The following MAP2K5 variants were observed in gnomAD, a reference collection of about 807,000 sequenced individuals.
MAP2K5 encodes the protein mitogen-activated protein kinase kinase 5, also known as dual specificity mitogen-activated protein kinase kinase 5.
In MAP2K5, 49 loss-of-function variants were observed where a neutral mutation model predicts 83.1. The observed-to-expected ratio is 0.59, with a 90% CI of 0.47 to 0.75. The LOEUF is 0.75. Among genes scored for constraint, MAP2K5 ranks in the 30% least tolerant of loss-of-function variants. MAP2K5 has a pLI of 0.00. For missense variants in MAP2K5, 457 were observed against 557.5 expected (o/e 0.82, Z 1.82); for synonymous variants, 202 against 191.8 (o/e 1.05, Z -0.44).
In MAP2K5 at chr15:67,747,194, G is replaced by A. The variant is rs943658368; in HGVS notation, c.1075-1037G>A. On this transcript the variant is annotated intron_variant, in intron 17 of 21. Transcript: ENST00000178640. This position sits in a 1 kb window ranked among gnomAD's most constrained non-coding sequence, Gnocchi z 4.1. ...AGATGATCATCCCTGCCAAACTCAG[G>A]GTGGTTGTACAGATCAAATGAGTTT... Among the ~76,000 whole-genome samples the A allele has an allele frequency of 1.3e-5, 2 of 152,090 alleles. No individual in the cohort carries two copies. The highest frequency in any genetic ancestry group is 2.9e-5 in the Non-Finnish European group (2 of 68,014).
chr15:67,614,164 G>C (rs1008099251), intron 8 of MAP2K5, among the ~76,000 whole-genome samples: 3 of 152,136 alleles, frequency 2.0e-5, no homozygotes, highest in African/African-American at 7.2e-5. Flanking sequence ...AGTACTTACA[G>C]ATAGGAATCG....
chr15:67,765,075 T>C (rs891406647), intron 19 of MAP2K5, among the ~76,000 whole-genome samples: 13 of 152,216 alleles, frequency 8.5e-5, no homozygotes, highest in African/African-American at 3.1e-4. Context: ...TATAGTACAG[T>C]ATTGGCTGGG....
At chr15:67,727,024 C>T (rs1477388978) in intron 16 of MAP2K5, among the ~76,000 whole-genome samples, 1 of 152,092 alleles carries the variant, frequency 6.6e-6, no homozygotes, top group Non-Finnish European at 1.5e-5. Flanking sequence ...CATGGTGAAA[C>T]CCCATCTCTA....
chr15:67,743,713 C>T lies in MAP2K5; in HGVS notation c.1075-4518C>T, dbSNP rs575446610. Among the ~76,000 whole-genome samples the T allele has an allele frequency of 2.0e-5, 3 of 152,174 alleles. No homozygotes were observed. In the South Asian group the frequency reaches 6.2e-4, roughly 32 times the overall value. ...TATAATGGATTGGAGGTTGTATGTC[C>T]CTAAGTTTTAATATCCAGCACAGTG... On this transcript the variant is annotated intron_variant, in intron 17 of 21. Transcript: ENST00000178640.
At chr15:67,674,635 G>T (rs928029349) in intron 13 of MAP2K5, among the ~76,000 whole-genome samples, 9 of 152,082 alleles carry the variant, frequency 5.9e-5, no homozygotes, top group African/African-American at 2.2e-4. Flanking sequence ...TGATCACAGG[G>T]TATTTCTGTA....
chr15:67,563,262 G>T lies in MAP2K5; in HGVS notation c.185-21G>T, dbSNP rs200944611. The T allele has an allele frequency of 1.2e-6, 2 of 1,605,010 alleles. No homozygotes were observed. The highest frequency in any genetic ancestry group is 1.7e-6 in the Non-Finnish European group (2 of 1,177,380). Reference sequence around the variant, plus strand: ...TAAACAAATGCACACCTTATCATTTGCATTATGTGCTTTTAAACAGATGAA... The same window carrying T: ...TAAACAAATGCACACCTTATCATTTTCATTATGTGCTTTTAAACAGATGAA... On this transcript the variant is annotated intron_variant, in intron 2 of 21. Transcript: ENST00000178640. This position sits in a 1 kb window ranked among gnomAD's most constrained non-coding sequence, Gnocchi z 4.5.
rs1409633525 is a variant in MAP2K5, at chr15:67,777,443, G to A, written c.1242+4691G>A. Among the ~76,000 whole-genome samples the A allele has an allele frequency of 6.6e-6, 1 of 152,154 alleles. No homozygotes were observed. Among genetic ancestry groups the A allele is most frequent in the Non-Finnish European group, 1.5e-5 (1 of 68,036 alleles). On this transcript the variant is annotated intron_variant, in intron 21 of 21. Transcript: ENST00000178640. This position sits in a 1 kb window ranked among gnomAD's most constrained non-coding sequence, Gnocchi z 6.0. ...GCAGCATCCCGGTTTGAGATCAATC[G>A]CTGGCTAATACTTTATCTAGGCCAC...
intron 16 of MAP2K5, among the ~76,000 whole-genome samples, chr15:67,709,232 G>A (rs922620865): frequency 7.9e-5 from 12 of 152,264 alleles, no homozygotes; most frequent in Non-Finnish European, 1.3e-4. Flanking sequence ...AAGAGAACCC[G>A]TGTGGAACTG....
intron 12 of MAP2K5, among the ~76,000 whole-genome samples, chr15:67,663,092 C>T (rs757816556): frequency 3.9e-5 from 6 of 152,162 alleles, no homozygotes; most frequent in African/African-American, 7.2e-5. Context: ...TTTCCTGAAA[C>T]ATTTGAGAAT....
At chr15:67,550,227 T>C in intron 2 of MAP2K5, 145 bp downstream of exon 2, 1 of 596,316 alleles carries the variant, frequency 1.7e-6, no homozygotes, top group South Asian at 2.5e-5. Context: ...TAAATTGATA[T>C]AAGTTTAATG....
At chr15:67,546,210 A>G (rs1353854150) in intron 1 of MAP2K5, 2 of 152,304 alleles carry the variant, frequency 1.3e-5, no homozygotes, top group African/African-American at 4.8e-5. Flanking sequence ...AGAAAAGGCA[A>G]GAACCAAGAG....
chr15:67,567,858 C>T (rs967375392), intron 3 of MAP2K5, among the ~76,000 whole-genome samples: 2 of 151,892 alleles, frequency 1.3e-5, no homozygotes, highest in African/African-American at 4.8e-5. Context: ...TGCTTTTTTC[C>T]TTCCATTTTT....
At chr15:67,789,526 C>T (rs1283358730) in intron 21 of MAP2K5, among the ~76,000 whole-genome samples, 1 of 152,030 alleles carries the variant, frequency 6.6e-6, no homozygotes, top group Non-Finnish European at 1.5e-5. Context: ...CCAGCCTGGC[C>T]AACATGGTGA....
chr15:67,702,291 G>A lies in MAP2K5; in HGVS notation c.973-1046G>A, dbSNP rs1017193154. Among the ~76,000 whole-genome samples, 6 of 152,078 alleles carry A rather than the reference G, an allele frequency of 3.9e-5. No homozygotes were observed. Among genetic ancestry groups the A allele is most frequent in the African/African-American group, 1.4e-4 (6 of 41,396 alleles). ...TATGCATGAAAAACACTAAAACAAG[G>A]CCTGGTGTATAGAAATTCTTTAATA... On this transcript the variant is annotated intron_variant, in intron 15 of 21. Coordinates refer to ENST00000178640, the MANE Select transcript of MAP2K5 (RefSeq NM_145160.3). The surrounding 1 kb of genome is among the most constrained non-coding windows in gnomAD (Gnocchi z 4.6).
At chr15:67,663,213 T>C (rs1476814321) in intron 12 of MAP2K5, among the ~76,000 whole-genome samples, 3 of 152,218 alleles carry the variant, frequency 2.0e-5, no homozygotes, top group South Asian at 4.1e-4. Context: ...CTAGTATCGA[T>C]ACAATACTGT....
chr15:67,664,323 C>T (rs1423195593), intron 12 of MAP2K5, among the ~76,000 whole-genome samples: 2 of 87,696 alleles, frequency 2.3e-5, no homozygotes, highest in Non-Finnish European at 2.1e-5. Flanking sequence ...AGTGAGATCC[C>T]TGTTTCTACC....
intron 2 of MAP2K5, among the ~76,000 whole-genome samples, chr15:67,554,902 G>A (rs1242242741): frequency 6.6e-6 from 1 of 152,184 alleles, no homozygotes; most frequent in Non-Finnish European, 1.5e-5. Flanking sequence ...GTTATAGCCT[G>A]AGCATGGGAT....
chr15:67,585,989 C>T (rs1285559653), intron 5 of MAP2K5, 59 bp downstream of exon 5: 5 of 1,451,584 alleles, frequency 3.4e-6, no homozygotes, highest in Non-Finnish European at 4.8e-6. Flanking sequence ...CTGTGTTCCA[C>T]TTATTGAAAT....
At chr15:67,681,423 C>T (rs1210215456) in intron 13 of MAP2K5, among the ~76,000 whole-genome samples, 5 of 152,284 alleles carry the variant, frequency 3.3e-5, no homozygotes, top group South Asian at 2.1e-4. Context: ...CAGTATGCAG[C>T]GGCACCTTCC....
Sources: gnomAD v4.1 joint callset for allele counts (sites outside exome capture counted in the v4.1 genomes callset) on GRCh38, gnomAD v4.1.1 for gene constraint, Gnocchi (gnomAD v3.1) non-coding constraint, MANE v1.5 for transcripts, NCBI Gene and HGNC (gene_info 2026-07-23, HGNC 2026-07-21) for gene names.